Variants in EYS observed in about 807,000 individuals in gnomAD.
EYS encodes protein eyes shut homolog.
EYS carries 250 observed loss-of-function variants against 282.1 expected under a neutral mutation model. The ratio of observed to expected loss-of-function variants is 0.89; its 90% CI spans 0.80 to 0.98. The LOEUF is 0.98. Ranked by LOEUF, EYS falls within the 50% of genes least tolerant of loss-of-function variation. EYS has a pLI of 0.00. For missense variants in EYS, 4,016 were observed against 3,709.0 expected (o/e 1.08, Z -2.15); for synonymous variants, 1,355 against 1,282.9 (o/e 1.06, Z -1.20).
Position 65,344,181 on chromosome 6 carries a change from TA to T in EYS, c.1460-5del, listed in dbSNP as rs771064426. The T allele has an allele frequency of 2.0e-4, 320 of 1,565,212 alleles. No individual in the cohort carries two copies. The highest frequency in any genetic ancestry group is 4.2e-4 in the South Asian group (38 of 89,582). Reference sequence around the variant, plus strand: ...TGGCACTTTTCGCCTTCAGATCCTTTAAAAAAAAAGAGATAAAAAATTAAAT... The same window carrying T: ...TGGCACTTTTCGCCTTCAGATCCTTTAAAAAAAAGAGATAAAAAATTAAAT... On this transcript the variant is annotated splice_polypyrimidine_tract_variant and splice_region_variant and intron_variant, in intron 9 of 42. Coordinates refer to ENST00000503581, the MANE Select transcript of EYS (RefSeq NM_001142800.2).
chr6:65,606,954 C>A (rs1437186402), intron 2 of EYS, among the ~76,000 whole-genome samples: 2 of 151,308 alleles, frequency 1.3e-5, no homozygotes, highest in Non-Finnish European at 3.0e-5. Context: ...GATATAATGT[C>A]TTAAGCAGGA....
rs551884170 is a variant in EYS at position 64,700,839 on chromosome 6, T to C, written c.3444-74594A>G. On this transcript the variant is annotated intron_variant, in intron 22 of 42. Coordinates refer to ENST00000503581, the MANE Select transcript of EYS (RefSeq NM_001142800.2). ...GATTTATGACATTCCTTTCAAAATA[T>C]CATCATCACGTTTTACAGAATAAAA... Among the ~76,000 whole-genome samples, 72 of 152,056 alleles carry C rather than the reference T, an allele frequency of 4.7e-4. 1 individual carries two copies. The highest frequency in any genetic ancestry group is 3.5e-3 in the South Asian group (17 of 4,822).
chr6:64,675,966 T>C (rs1178276994), intron 22 of EYS, among the ~76,000 whole-genome samples: 3 of 150,688 alleles, frequency 2.0e-5, no homozygotes, highest in Admixed American at 2.0e-4. Context: ...TATCGATATA[T>C]CTATTGATCG....
At chr6:65,432,710 T>C (rs1205616934) in intron 5 of EYS, among the ~76,000 whole-genome samples, 1 of 152,080 alleles carries the variant, frequency 6.6e-6, no homozygotes, top group Admixed American at 6.6e-5. Flanking sequence ...CAGAAGGGGA[T>C]TTAGCAAACT....
intron 1 of EYS, among the ~76,000 whole-genome samples, chr6:65,705,636 C>T (rs1769849745): frequency 6.6e-6 from 1 of 152,112 alleles, no homozygotes; most frequent in Admixed American, 6.6e-5. Flanking sequence ...GAAAATTATA[C>T]AAATTTTGTC....
In EYS at chr6:65,030,900, G is replaced by A. The variant is rs144699480; in HGVS notation, c.2137+26714C>T. Among the ~76,000 whole-genome samples the A allele has an allele frequency of 1.9e-3, 293 of 152,188 alleles. 2 individuals are homozygous for A. The highest frequency in any genetic ancestry group is 7.0e-3 in the African/African-American group (289 of 41,512). ...AGACCCAACTGTATGCTGTCTTTAA[G>A]AGACCCATATTCCATGCAATGACAC... On this transcript the variant is annotated intron_variant, in intron 13 of 42. Coordinates refer to ENST00000503581, the MANE Select transcript of EYS (RefSeq NM_001142800.2).
intron 22 of EYS, among the ~76,000 whole-genome samples, chr6:64,669,763 C>G (rs1049278855): frequency 2.0e-5 from 3 of 151,996 alleles, no homozygotes; most frequent in African/African-American, 7.3e-5. Flanking sequence ...GAATGAAAGG[C>G]AACTTTAGAA....
chr6:64,099,341 C>G (rs1339014616), intron 31 of EYS, among the ~76,000 whole-genome samples: 1 of 152,076 alleles, frequency 6.6e-6, no homozygotes, highest in Non-Finnish European at 1.5e-5. Flanking sequence ...TTTATGAAAC[C>G]AAATAAATAA....
At chr6:63,736,135 G>T (rs915081230) in intron 41 of EYS, among the ~76,000 whole-genome samples, 1 of 152,110 alleles carries the variant, frequency 6.6e-6, no homozygotes, top group African/African-American at 2.4e-5. Flanking sequence ...ATTGCTTTTG[G>T]TGTTTTAGAC....
chr6:64,262,534 T>C (rs1397222703), intron 30 of EYS, among the ~76,000 whole-genome samples: 1 of 151,970 alleles, frequency 6.6e-6, no homozygotes, highest in African/African-American at 2.4e-5. Flanking sequence ...TTTTTAAGAC[T>C]CTATTTCTAT....
chr6:65,389,133 G>C (rs1161988991), intron 7 of EYS, among the ~76,000 whole-genome samples: 4 of 152,084 alleles, frequency 2.6e-5, no homozygotes, highest in Admixed American at 2.6e-4. Context: ...CAAAACAACA[G>C]TCACACAACA....
chr6:64,358,848 TACTA>T lies in EYS; in HGVS notation c.6078+29838_6078+29841del, dbSNP rs1457437035. Among the ~76,000 whole-genome samples, 3 of 151,826 alleles carry T rather than the reference TACTA, an allele frequency of 2.0e-5. No individual in the cohort carries two copies. The East Asian group carries it at 5.9e-4, about 30-fold the overall frequency. On this transcript the variant is annotated intron_variant, in intron 29 of 42. Transcript: ENST00000503581. ...TTGTCAAAGCAGAAGAAATGTCAAA[TACTA>T]ACTGAGAAGTTGCTACGATCAGTGG...
intron 15 of EYS, among the ~76,000 whole-genome samples, chr6:64,943,525 A>AT (rs1769171330): frequency 6.6e-6 from 1 of 152,116 alleles, no homozygotes; most frequent in African/African-American, 2.4e-5. Flanking sequence ...CTATGCACCA[A>AT]TAACATTCAA....
chr6:65,085,593 G>A (rs1774341964), intron 12 of EYS, among the ~76,000 whole-genome samples: 1 of 152,028 alleles, frequency 6.6e-6, no homozygotes, highest in South Asian at 2.1e-4. Context: ...ACTGAAATAT[G>A]CCCAGAAAAA....
At chr6:65,435,800 T>G (rs2150387963) in intron 5 of EYS, among the ~76,000 whole-genome samples, 1 of 152,014 alleles carries the variant, frequency 6.6e-6, no homozygotes, top group South Asian at 2.1e-4. Flanking sequence ...AATGAGGACA[T>G]GTGGGTGGGC....
chr6:64,198,008 T>C (rs562204916), intron 31 of EYS, among the ~76,000 whole-genome samples: 64 of 150,764 alleles, frequency 4.2e-4, no homozygotes, highest in Non-Finnish European at 7.2e-4. Flanking sequence ...TATTTATTTT[T>C]TTGAGACGGA....
intron 31 of EYS, among the ~76,000 whole-genome samples, chr6:64,163,842 G>C (rs748191145): frequency 6.6e-6 from 1 of 152,040 alleles, no homozygotes; most frequent in Non-Finnish European, 1.5e-5. Flanking sequence ...ACAGCTGTTA[G>C]AGTCTGAGAA....
chr6:63,783,876 TTGTG>T (rs150840181), intron 39 of EYS, among the ~76,000 whole-genome samples: 1,836 of 150,954 alleles, frequency 0.012, 30 homozygotes, highest in African/African-American at 0.043. Flanking sequence ...TGGTCAAATA[TTGTG>T]TGTGTGTGTG....
In EYS at chr6:65,507,152, A is replaced by G. The variant is rs187232261; in HGVS notation, c.-332-11159T>C. Among the ~76,000 whole-genome samples, 4 of 151,644 alleles carry G rather than the reference A, an allele frequency of 2.6e-5. No homozygotes were observed. In the East Asian group the frequency reaches 7.7e-4, roughly 29 times the overall value. ...ATCTCTCAGATTTTGTTAGTCTGAG[A>G]AAGTTTTTACTTCTTCACTTTTAAA... is the stretch of plus-strand genomic sequence containing the variant. On this transcript the variant is annotated intron_variant, in intron 2 of 42. Transcript: ENST00000503581.
Sources: gnomAD v4.1 joint callset for allele counts (sites outside exome capture counted in the v4.1 genomes callset) on GRCh38, gnomAD v4.1.1 for gene constraint, MANE v1.5 for transcripts, NCBI Gene and HGNC (gene_info 2026-07-23, HGNC 2026-07-21) for gene names.